Variants in RSPH10B observed in about 807,000 individuals in gnomAD.
RSPH10B encodes the protein radial spoke head 10 homolog B.
In RSPH10B, 7 loss-of-function variants were observed where a neutral mutation model predicts 52.5. That is an observed-to-expected ratio of 0.13 (90% CI 0.08 to 0.25). The LOEUF (loss-of-function observed/expected upper bound fraction) is 0.25. Ranked by LOEUF, RSPH10B falls within the 10% of genes least tolerant of loss-of-function variation. RSPH10B has a pLI of 1.00. For missense variants in RSPH10B, 89 were observed against 542.5 expected (o/e 0.16, Z 8.30); for synonymous variants, 28 against 193.2 (o/e 0.14, Z 7.09).
At chr7:5,927,706 C>G (rs1253010457) in intron 18 of RSPH10B, among the ~76,000 whole-genome samples, 7 of 147,448 alleles carry the variant, frequency 4.7e-5, no homozygotes, top group African/African-American at 7.7e-5. Flanking sequence ...GAGGCCAAAG[C>G]TGGCAGATCA....
At chr7:5,931,009 C>T (rs1180837104) in intron 17 of RSPH10B, among the ~76,000 whole-genome samples, 1 of 104,778 alleles carries the variant, frequency 9.5e-6, no homozygotes, top group African/African-American at 3.5e-5. Context: ...TCTCAGCTCA[C>T]TGCAACCTCT....
intron 17 of RSPH10B, among the ~76,000 whole-genome samples, chr7:5,932,326 CGA>C (rs1403883844): frequency 9.2e-6 from 1 of 108,232 alleles, no homozygotes; most frequent in Non-Finnish European, 2.0e-5. Flanking sequence ...TTTAAAAATC[CGA>C]GAGAATGAGA....
rs1412243969 is a variant in RSPH10B at position 5,942,041 on chromosome 7, G to A, written c.1758+1283C>T. Reference sequence around the variant, plus strand: ...CGAAGTGGCTGGGATTACAGGCTCCGGCCACCATGCCTGGCTAATTTTTTT... The same window carrying A: ...CGAAGTGGCTGGGATTACAGGCTCCAGCCACCATGCCTGGCTAATTTTTTT... On this transcript the variant is annotated intron_variant, in intron 13 of 18. Transcript: ENST00000337579. Among the ~76,000 whole-genome samples, 9 of 149,662 alleles carry A rather than the reference G, an allele frequency of 6.0e-5. No homozygotes were observed. The South Asian group carries it at 1.0e-3, about 17-fold the overall frequency.
rs1054391488 is a variant in RSPH10B at position 5,938,046 on chromosome 7, GACAC to G, written c.1867-149_1867-146del. 19 of 765,120 alleles carry G rather than the reference GACAC, an allele frequency of 2.5e-5. 1 individual carries two copies. The highest frequency in any genetic ancestry group is 8.9e-5 in the African/African-American group (5 of 55,924). 47.4% of individuals were successfully genotyped at this position (765,120 alleles called of 1,614,324 possible). A position where few individuals can be genotyped will look rare whatever the true frequency, so the allele number is the denominator to read the frequency against. ...ACAGACATGCAGACACGTGCACAAA[GACAC>G]ACACACATGCACACACACGCACAGA... On this transcript the variant is annotated intron_variant, in intron 14 of 18. Coordinates refer to ENST00000337579, the Ensembl canonical transcript of RSPH10B.
At chr7:5,942,868 A>T (rs1271168197) in intron 13 of RSPH10B, among the ~76,000 whole-genome samples, 2 of 145,188 alleles carry the variant, frequency 1.4e-5, no homozygotes, top group Non-Finnish European at 3.0e-5. Context: ...GTCTCAAAAA[A>T]ATAAAATTAA....
rs760811284 is a variant in RSPH10B at position 5,928,401 on chromosome 7, T to TAGAG, written c.2234-11_2234-8dup. On this transcript the variant is annotated splice_polypyrimidine_tract_variant and splice_region_variant and intron_variant, in intron 17 of 18. Transcript: ENST00000337579. ...TTGGGTCTCTCATATTTCTCTGGAA[T>TAGAG]AGAGTTTCATGAAGCTGAACATGAA... The TAGAG allele has an allele frequency of 1.2e-6, 2 of 1,610,754 alleles. No individual in the cohort carries two copies. Among genetic ancestry groups the TAGAG allele is most frequent in the African/African-American group, 2.7e-5 (2 of 74,520 alleles).
At chr7:5,957,533 C>T (rs1419492139) in intron 6 of RSPH10B, among the ~76,000 whole-genome samples, 4 of 25,550 alleles carry the variant, frequency 1.6e-4, no homozygotes, top group African/African-American at 6.1e-4. Flanking sequence ...CGCCTGTAAT[C>T]GCAGCACTTT....
chr7:5,943,753 C>T (rs1780339243), intron 12 of RSPH10B, among the ~76,000 whole-genome samples, 158 bp downstream of exon 14: 1 of 151,208 alleles, frequency 6.6e-6, no homozygotes, highest in Non-Finnish European at 1.5e-5. Context: ...GCCATGTTGG[C>T]CAGGCTGGTC....
chr7:5,943,333 C>G lies in RSPH10B; in HGVS notation c.1749G>C (p.Trp583Cys), dbSNP rs751887032. Residue 583 changes from tryptophan (W) to cysteine (C), a missense_variant, in exon 13 of 19, where the codon TGG (tryptophan) becomes TGC (cysteine). Trp to Cys is a radical substitution (Grantham distance 215, BLOSUM62 -2). Transcript: ENST00000337579. Reference sequence around the variant, plus strand: ...GAACTTAGGTGGTTACTTTCAGCATCCAGAGGAAGTGTCTCATCTTCATCG... The same window carrying G: ...GAACTTAGGTGGTTACTTTCAGCATGCAGAGGAAGTGTCTCATCTTCATCG... 1.3e-5 allele frequency: 20 copies of G among 1,555,004 alleles called. 1 individual carries two copies. In the East Asian group the frequency reaches 4.3e-4, roughly 33 times the overall value.
intron 7 of RSPH10B, among the ~76,000 whole-genome samples, chr7:5,953,876 G>A (rs1272130410): frequency 3.1e-5 from 4 of 129,506 alleles, no homozygotes; most frequent in South Asian, 5.4e-4. Context: ...ACGGAGTCTC[G>A]CTCTGTGCCC....
intron 13 of RSPH10B, among the ~76,000 whole-genome samples, chr7:5,943,000 A>G (rs1263064483): frequency 6.7e-6 from 1 of 148,264 alleles, no homozygotes; most frequent in African/African-American, 2.5e-5. Context: ...CCTTGACCTC[A>G]GGTGATCCGC....
At chr7:5,954,988 T>TAAAAAAAAAAAAAA (rs1185408288) in intron 7 of RSPH10B, among the ~76,000 whole-genome samples, 22 of 24,164 alleles carry the variant, frequency 9.1e-4, no homozygotes, top group African/African-American at 2.5e-3. Context: ...CTGTAACTAC[T>TAAAAAAAAAAAAAA]AAAAAAAAAA....
chr7:5,939,070 G>T (rs1780068121), intron 13 of RSPH10B, among the ~76,000 whole-genome samples: 2 of 73,192 alleles, frequency 2.7e-5, no homozygotes, highest in African/African-American at 4.7e-5. Flanking sequence ...CAAGTAGCTG[G>T]GACTACAGGA....
intron 17 of RSPH10B, among the ~76,000 whole-genome samples, chr7:5,930,922 G>A (rs1166497459): frequency 2.3e-5 from 2 of 85,970 alleles, no homozygotes; most frequent in African/African-American, 8.3e-5. Flanking sequence ...AGTGGGAGAA[G>A]AGATTTTCCT....
intron 18 of RSPH10B, 88 bp downstream of exon 20, chr7:5,928,108 G>C (rs1313051736): frequency 6.3e-7 from 1 of 1,594,126 alleles, no homozygotes; most frequent in African/African-American, 1.3e-5. Flanking sequence ...TGTCCGGAAA[G>C]CACTTGGTCC....
chr7:5,943,090 C>A (rs1780292723), intron 13 of RSPH10B: 4 of 857,658 alleles, frequency 4.7e-6, no homozygotes, highest in Non-Finnish European at 7.0e-6. Flanking sequence ...GGCCATGGAC[C>A]ATTGTCTTGC....
chr7:5,943,144 C>T (rs1780295913), intron 13 of RSPH10B, 180 bp downstream of exon 15: 2 of 1,346,616 alleles, frequency 1.5e-6, no homozygotes, highest in Non-Finnish European at 2.0e-6. Flanking sequence ...TGTTTCTGTT[C>T]CTTCCACGAC....
chr7:5,938,628 GA>G lies in RSPH10B; in HGVS notation c.1866+93del, dbSNP rs1194387261. On this transcript the variant is annotated intron_variant, in intron 14 of 18. Coordinates refer to ENST00000337579, the Ensembl canonical transcript of RSPH10B. ...TCAGTGAAAAGGCTAATGAAAAAAA[GA>G]AAAAAAAAATCTTGGTTCTTTGTCC... 52 of 63,810 alleles carry G rather than the reference GA, an allele frequency of 8.1e-4. 1 individual carries two copies. The highest frequency in any genetic ancestry group is 5.7e-3 in the South Asian group (32 of 5,590). The allele number at this position is 63,810 out of a possible 1,614,324, so 4.0% of individuals were successfully genotyped here. A position where few individuals can be genotyped will look rare whatever the true frequency, so the allele number is the denominator to read the frequency against.
chr7:5,942,147 G>A (rs578088812), intron 13 of RSPH10B, among the ~76,000 whole-genome samples: 7 of 147,854 alleles, frequency 4.7e-5, no homozygotes, highest in East Asian at 1.9e-4. Context: ...CACCCCCTCC[G>A]CCTTCCAAAG....
Sources: allele counts gnomAD v4.1 joint callset (sites outside exome capture counted in the v4.1 genomes callset), GRCh38; gene constraint gnomAD v4.1.1; transcripts MANE v1.5; gene names NCBI Gene and HGNC (gene_info 2026-07-23, HGNC 2026-07-21).